The following CAPN14 variants were observed in gnomAD, a reference collection of about 807,000 sequenced individuals.
CAPN14 encodes calpain 14.
A neutral mutation model predicts 101.3 loss-of-function variants in CAPN14; 94 were observed. That is an observed-to-expected ratio of 0.93 (90% CI 0.79 to 1.10). CAPN14 has a LOEUF of 1.10. Ranked by LOEUF, CAPN14 falls within the 50% of genes least tolerant of loss-of-function variation. The probability of loss-of-function intolerance (pLI) is 0.00; values close to 1 mark genes in which losing one functional copy is unlikely to be tolerated. For synonymous variants in CAPN14, 338 were observed against 317.9 expected (o/e 1.06, Z -0.67); for missense variants, 837 against 828.4 (o/e 1.01, Z -0.13).
At chr2:31,177,899 AG>A (rs1680391267) in intron 18 of CAPN14, 78 bp from the exon 19 acceptor site, 1 of 983,168 alleles carries the variant, frequency 1.0e-6, no homozygotes, top group African/African-American at 1.6e-5. Flanking sequence ...GCCCCTTGTC[AG>A]CACCGCAGAG....
chr2:31,231,633 A>T lies in CAPN14; in HGVS notation c.-177+2158T>A, dbSNP rs182922850. On this transcript the variant is annotated intron_variant and NMD_transcript_variant, in intron 1 of 21. Transcript: ENST00000398824. Reference sequence around the variant, plus strand: ...TAGATGTGTCAACACGCACTTGGTAAATTAGATATTCGGAACAGACATTCA... The same window carrying T: ...TAGATGTGTCAACACGCACTTGGTATATTAGATATTCGGAACAGACATTCA... 6.8e-4 allele frequency among the ~76,000 whole-genome samples: 104 copies of T among 152,314 alleles called. 1 individual carries two copies. Among genetic ancestry groups the T allele is most frequent in the African/African-American group, 2.5e-3 (103 of 41,566 alleles).
intron 10 of CAPN14, 98 bp downstream of exon 10, chr2:31,193,033 G>T: frequency 8.2e-7 from 1 of 1,216,610 alleles, no homozygotes; most frequent in Admixed American, 2.2e-5. Context: ...TCCCCACTCA[G>T]CCAATGCAGA....
chr2:31,178,026 A>C (rs1165591369), intron 18 of CAPN14, among the ~76,000 whole-genome samples: 3 of 152,182 alleles, frequency 2.0e-5, no homozygotes. Flanking sequence ...AAGGCTTCTG[A>C]GAAACAAAAA....
intron 9 of CAPN14, 38 bp downstream of exon 9, chr2:31,194,371 T>C: frequency 1.3e-6 from 2 of 1,489,420 alleles, no homozygotes; most frequent in Non-Finnish European, 1.8e-6. Flanking sequence ...TTTTCAAATG[T>C]AGGCCAGGAC....
intron 1 of CAPN14, among the ~76,000 whole-genome samples, chr2:31,209,167 A>G (rs1286197211): frequency 1.5e-5 from 2 of 132,610 alleles, no homozygotes; most frequent in Non-Finnish European, 3.1e-5. Context: ...TGGAGAGATG[A>G]GGTCTTGCTG....
intron 12 of CAPN14, chr2:31,189,765 G>A (rs542409944): frequency 1.9e-6 from 1 of 514,174 alleles, no homozygotes. Flanking sequence ...GAATGTCCCT[G>A]TGCCTTCCAT....
intron 5 of CAPN14, among the ~76,000 whole-genome samples, chr2:31,201,521 T>C (rs1394306650): frequency 6.6e-6 from 1 of 152,122 alleles, no homozygotes; most frequent in Non-Finnish European, 1.5e-5. Flanking sequence ...ATTTAAACTG[T>C]AGATTAGATG....
intron 9 of CAPN14, 51 bp from the exon 10 acceptor site, chr2:31,193,345 G>A (rs1681305404): frequency 6.5e-7 from 1 of 1,532,562 alleles, no homozygotes; most frequent in African/African-American, 1.4e-5. Flanking sequence ...ATAACGCCTA[G>A]TTATCAGGAC....
chr2:31,211,671 G>GCACACA (rs34380519), intron 1 of CAPN14, among the ~76,000 whole-genome samples: 42,297 of 149,180 alleles, frequency 0.28, 6,392 homozygotes, highest in Admixed American at 0.38. Flanking sequence ...GTGTGCATGT[G>GCACACA]CACACACACA....
chr2:31,216,448 A>T (rs1682648033), intron 1 of CAPN14, among the ~76,000 whole-genome samples: 1 of 152,106 alleles, frequency 6.6e-6, no homozygotes, highest in South Asian at 2.1e-4. Context: ...CCTAGATGGT[A>T]GGGGTACAGG....
chr2:31,217,388 A>T (rs1387908766), intron 1 of CAPN14, 68 bp downstream of exon 1: 1 of 152,226 alleles, frequency 6.6e-6, no homozygotes, highest in East Asian at 1.9e-4. Flanking sequence ...TTCTAAACCC[A>T]GACCCTGTAG....
In CAPN14 at chr2:31,200,526, G is replaced by T. The variant is rs1157532059; in HGVS notation, c.651C>A (p.Ala217=). Residue 217 remains alanine (A), a synonymous_variant, in exon 6 of 22, where the codon GCC becomes GCA. Coordinates refer to ENST00000403897, the MANE Select transcript of CAPN14 (RefSeq NM_001145122.2). Reference sequence around the variant, plus strand: ...TGAGGATGTCCCAGAGGTTGCCATGGGCTTCTGCCAGGTTGATGGTCATTG... The same window carrying T: ...TGAGGATGTCCCAGAGGTTGCCATGTGCTTCTGCCAGGTTGATGGTCATTG... ...GVTMTINLAE[A]HGNLWDILIE... 6.4e-7 allele frequency: 1 copy of T among 1,551,504 alleles called. No homozygotes were observed. Among genetic ancestry groups the T allele is most frequent in the African/African-American group, 1.4e-5 (1 of 73,040 alleles).
At chr2:31,200,700 C>T in intron 5 of CAPN14, 75 bp from the exon 6 acceptor site, 1 of 1,375,124 alleles carries the variant, frequency 7.3e-7, no homozygotes, top group Non-Finnish European at 9.7e-7. Context: ...CCTCGGCATC[C>T]ACTTTTAAAT....
intron 9 of CAPN14, among the ~76,000 whole-genome samples, chr2:31,194,158 G>A (rs1358289411): frequency 6.6e-6 from 1 of 152,226 alleles, no homozygotes; most frequent in Non-Finnish European, 1.5e-5. Flanking sequence ...GAGGAAGCCA[G>A]AGAGGAGGAA....
At chr2:31,192,986 C>T (rs1487396985) in intron 10 of CAPN14, 145 bp downstream of exon 10, 1 of 790,240 alleles carries the variant, frequency 1.3e-6, no homozygotes, top group African/African-American at 1.7e-5. Flanking sequence ...GGTTATAGCC[C>T]AGGGCCCCAA....
chr2:31,225,028 T>C (rs1682978701), intron 2 of CAPN14, among the ~76,000 whole-genome samples: 1 of 152,018 alleles, frequency 6.6e-6, no homozygotes, highest in Non-Finnish European at 1.5e-5. Context: ...GAGAAGGTAA[T>C]TGGCGAAACA....
Position 31,178,578 on chromosome 2 carries a change from A to G in CAPN14, c.1712T>C (p.Leu571Pro), listed in dbSNP as rs1270294703. ...ACQGILALLD[L>P]NASGTMSIQE... ...GATGCTCATAGTACCTGATGCATTA[A>G]GCTGATTAATAGGTTAAGGTAAAAG... The change falls in exon 18 of 22, where the codon CTT becomes CCT. Residue 571 changes from leucine (L) to proline (P), a missense_variant and splice_region_variant. Physicochemically the swap from Leu to Pro is moderately conservative, Grantham distance 98. Coordinates refer to ENST00000403897, the MANE Select transcript of CAPN14 (RefSeq NM_001145122.2). 3.3e-6 allele frequency: 5 copies of G among 1,534,988 alleles called. No homozygotes were observed. The highest frequency in any genetic ancestry group is 4.2e-5 in the Admixed American group (2 of 47,890).
intron 12 of CAPN14, 134 bp downstream of exon 12, chr2:31,191,265 C>T (rs188137454): frequency 3.5e-6 from 3 of 868,054 alleles, no homozygotes; most frequent in African/African-American, 1.7e-5. Flanking sequence ...AGCGGGCAGA[C>T]ATTCTCATCA....
At chr2:31,203,271 G>A in intron 2 of CAPN14, 132 bp from the exon 3 acceptor site, 1 of 657,490 alleles carries the variant, frequency 1.5e-6, no homozygotes, top group Middle Eastern at 2.5e-4. Flanking sequence ...TGTAATCAGT[G>A]CTATCCCAGA....
Sources: allele counts gnomAD v4.1 joint callset (sites outside exome capture counted in the v4.1 genomes callset), GRCh38; gene constraint gnomAD v4.1.1; transcripts MANE v1.5; gene names NCBI Gene and HGNC (gene_info 2026-07-23, HGNC 2026-07-21).